Variants in EPS8L2 observed in about 807,000 individuals in gnomAD.
The protein encoded by EPS8L2 is EPS8 signaling adaptor L2.
EPS8L2 carries 81 observed loss-of-function variants against 99.4 expected under a neutral mutation model. The observed-to-expected ratio is 0.82, with a 90% confidence interval of 0.68 to 0.98. EPS8L2 has a LOEUF of 0.98. EPS8L2 is among the 50% of genes least tolerant of loss of function. The pLI, the probability that EPS8L2 is intolerant of heterozygous loss-of-function variation, is 0.00. For missense variants in EPS8L2, 1,155 were observed against 968.8 expected (o/e 1.19, Z -2.55); for synonymous variants, 509 against 407.3 (o/e 1.25, Z -3.01).
At chr11:713,285 G>A (rs535255424) in intron 4 of EPS8L2, among the ~76,000 whole-genome samples, 9 of 152,284 alleles carry the variant, frequency 5.9e-5, no homozygotes, top group South Asian at 2.1e-4. Flanking sequence ...CACCATAGTC[G>A]ACCCATCAGC....
chr11:723,290 C>G lies in EPS8L2; in HGVS notation c.1391C>G (p.Pro464Arg). ...QSIRNSQKHS[P>R]TSEPTPPGDA... is the part of the protein sequence containing the mutation. ...ATAAGAAACTCCCAGAAGCACAGCC[C>G]CACTTCAGAGCCCACCCCCCCGGGG... The change falls in exon 15 of 21, where the codon CCC (proline) becomes CGC (arginine). Residue 464 changes from proline to arginine, a missense_variant. Coordinates refer to ENST00000318562, the MANE Select transcript of EPS8L2 (RefSeq NM_022772.4). The G allele has an allele frequency of 6.2e-7, 1 of 1,606,914 alleles. No individual in the cohort carries two copies. The highest frequency in any genetic ancestry group is 8.5e-7 in the Non-Finnish European group (1 of 1,177,872).
intron 5 of EPS8L2, 172 bp from the exon 6 acceptor site, chr11:720,425 G>T: frequency 8.4e-7 from 1 of 1,193,102 alleles, no homozygotes. Context: ...GCCGGGGTCA[G>T]CCTTGCGGTA....
chr11:720,978 G>GCCGGCAGGGGGGGGGAGGAGC (rs1862149823), intron 7 of EPS8L2, 69 bp downstream of exon 7: 14 of 1,101,990 alleles, frequency 1.3e-5, no homozygotes, highest in South Asian at 2.9e-5. Flanking sequence ...GAGGGGAGGA[G>GCCGGCAGGGGGGGGGAGGAGC]CCGGCAGGGG....
At chr11:707,952 T>A (rs1861774223) in intron 1 of EPS8L2, among the ~76,000 whole-genome samples, 1 of 151,928 alleles carries the variant, frequency 6.6e-6, no homozygotes, top group African/African-American at 2.4e-5. Flanking sequence ...TTCCAGACAT[T>A]CTCCACGGAT....
Position 726,324 on chromosome 11 carries a change from G to T in EPS8L2, c.1774G>T (p.Glu592Ter). 1 of 1,609,878 alleles carries T rather than the reference G, an allele frequency of 6.2e-7. No homozygotes were observed. Among genetic ancestry groups the T allele is most frequent in the African/African-American group, 1.3e-5 (1 of 74,890 alleles). ...NKDELMQHMDEVNDELIRKIS... is the reference protein window; with the variant it reads ...NKDELMQHMD The stretch of plus-strand genomic sequence containing the variant: ...CTCAGAGCTCATGCAGCACATGGAC[G>T]AGGTCAACGACGAGCTCATCCGGAA... Residue 592 changes from glutamate (E) to a stop codon, truncating the protein, a stop_gained, in exon 19 of 21, where the codon GAG becomes TAG. Coordinates refer to ENST00000318562, the MANE Select transcript of EPS8L2 (RefSeq NM_022772.4). LOFTEE classifies it high-confidence loss of function.
rs376942606 is a variant in EPS8L2, at chr11:718,348, TAACA to T, written c.166-1703_166-1700del. On this transcript the variant is annotated intron_variant, in intron 4 of 20. Transcript: ENST00000318562. ...ACTGTCTCAAAAACAAAACAAAAAC[TAACA>T]AACAAACAAAAAAACCCGCCAAACC... Among the ~76,000 whole-genome samples the T allele has an allele frequency of 6.7e-4, 102 of 151,618 alleles. 1 individual carries two copies. In the South Asian group the frequency reaches 0.017, roughly 26 times the overall value.
chr11:709,947 T>C, intron 3 of EPS8L2: 3 of 427,734 alleles, frequency 7.0e-6, no homozygotes, highest in Non-Finnish European at 8.6e-6. Flanking sequence ...AGCCCCCACC[T>C]CCCCCCACTC....
intron 3 of EPS8L2, 53 bp from the exon 4 acceptor site, chr11:710,369 G>C (rs1450188236): frequency 3.2e-6 from 5 of 1,569,496 alleles, no homozygotes; most frequent in Non-Finnish European, 3.5e-6. Flanking sequence ...CCAACTGGAC[G>C]GGAGGCTGTG....
chr11:715,111 G>A (rs969315116), intron 4 of EPS8L2, among the ~76,000 whole-genome samples: 1 of 152,094 alleles, frequency 6.6e-6, no homozygotes, highest in Non-Finnish European at 1.5e-5. Flanking sequence ...GTGGGATGGC[G>A]GGTGCCTGTA....
At position 727,310 on chromosome 11, in the gene EPS8L2, T is replaced by C. The variant is rs12285459; in HGVS notation, c.*329T>C. On this transcript the variant is annotated 3_prime_UTR_variant, in exon 21 of 21. Transcript: ENST00000318562. The stretch of plus-strand genomic sequence containing the variant: ...TGCACCTGGGGGGTCCTGGCCCCTG[T>C]GATGCTCCCCCATCCCCACCCACTT... 41,378 of 223,790 alleles carry C rather than the reference T, an allele frequency of 0.18. 4,196 individuals are homozygous for C. The highest frequency in any genetic ancestry group is 0.26 in the African/African-American group (11,304 of 43,040). The allele number at this position is 223,790 out of a possible 1,614,324, so 13.9% of individuals were successfully genotyped here. A position where few individuals can be genotyped will look rare whatever the true frequency, so the allele number is the denominator to read the frequency against.
Position 726,129 on chromosome 11 carries a change from C to A in EPS8L2, c.1712C>A (p.Pro571Gln). The change falls in exon 18 of 21, where the codon CCG becomes CAG. Residue 571 changes from proline (P) to glutamine (Q), a missense_variant. By Grantham distance (76) the Pro-to-Gln change is moderately conservative. Coordinates refer to ENST00000318562, the MANE Select transcript of EPS8L2 (RefSeq NM_022772.4). ...AGQKYWGPAS[P>Q]THKLPPSFPG... ...CAGAAGTACTGGGGCCCCGCCAGCCCGACCCACAAGCTACCCCCAAGCTTC... is the reference window on the plus strand; with the variant it reads ...CAGAAGTACTGGGGCCCCGCCAGCCAGACCCACAAGCTACCCCCAAGCTTC... The A allele has an allele frequency of 6.2e-7, 1 of 1,608,252 alleles. No individual in the cohort carries two copies. Among genetic ancestry groups the A allele is most frequent in the Non-Finnish European group, 8.5e-7 (1 of 1,177,816 alleles).
rs143959905 is a variant in EPS8L2 at position 724,805 on chromosome 11, G to T, written c.1536G>T (p.Ser512=). Residue 512 remains serine (S), a synonymous_variant, in exon 16 of 21, where the codon TCG becomes TCT. Coordinates refer to ENST00000318562, the MANE Select transcript of EPS8L2 (RefSeq NM_022772.4). This position sits in a 1 kb window ranked among gnomAD's most constrained non-coding sequence, Gnocchi z 5.5. ...DFTARNANEL[S]VLKDEVLEVL... ...CAGCCCGAAATGCCAACGAGCTATCGGTGCTCAAGGATGAGGTCCTAGAGG... is the reference window on the plus strand; with the variant it reads ...CAGCCCGAAATGCCAACGAGCTATCTGTGCTCAAGGATGAGGTCCTAGAGG... The T allele has an allele frequency of 1.1e-5, 17 of 1,613,254 alleles. No homozygotes were observed. In the African/African-American group the frequency reaches 1.5e-4, roughly 14 times the overall value.
In EPS8L2 at chr11:722,181, C is replaced by G; in HGVS notation, c.1059+16C>G. The stretch of plus-strand genomic sequence containing the variant: ...TCTGGACCTGGTGCCTGGGGCCGGG[C>G]GGCAGGGGCGCGCAGGGTGGGGGCC... On this transcript the variant is annotated intron_variant, in intron 12 of 20. Transcript: ENST00000318562. 1 of 1,610,204 alleles carries G rather than the reference C, an allele frequency of 6.2e-7. No individual in the cohort carries two copies. The highest frequency in any genetic ancestry group is 8.5e-7 in the Non-Finnish European group (1 of 1,178,634).
chr11:709,255 G>A, intron 1 of EPS8L2, 75 bp from the exon 2 acceptor site: 1 of 924,664 alleles, frequency 1.1e-6, no homozygotes, highest in Non-Finnish European at 1.6e-6. Flanking sequence ...GCCAGTCAGG[G>A]ATCTGGCCCA....
At chr11:709,769 C>T in intron 3 of EPS8L2, 161 bp downstream of exon 3, 2 of 715,374 alleles carry the variant, frequency 2.8e-6, no homozygotes, top group East Asian at 2.7e-5. Flanking sequence ...CTTCCGAAAG[C>T]TCCTGGCCAC....
intron 4 of EPS8L2, among the ~76,000 whole-genome samples, chr11:714,978 C>G (rs190613879): frequency 6.1e-4 from 93 of 152,262 alleles, no homozygotes; most frequent in Non-Finnish European, 9.4e-4. Flanking sequence ...CGCGGTGGCT[C>G]ATGCCTGTAA....
intron 15 of EPS8L2, among the ~76,000 whole-genome samples, chr11:723,567 AATATATCAGCTTT>A (rs1862246519): frequency 6.6e-6 from 1 of 152,164 alleles, no homozygotes; most frequent in African/African-American, 2.4e-5. Flanking sequence ...TCTCTACCCT[AATATATCAGCTTT>A]TTCTGTGCAT....
At chr11:725,900 C>A in intron 17 of EPS8L2, 53 bp downstream of exon 17, 2 of 1,366,018 alleles carry the variant, frequency 1.5e-6, no homozygotes, top group East Asian at 3.0e-5. Flanking sequence ...TGGAGCAGCC[C>A]CGCCTGCGCC....
At position 710,415 on chromosome 11, in the gene EPS8L2, G is replaced by C. The variant is rs1336434401; in HGVS notation, c.101-7G>C. On this transcript the variant is annotated splice_region_variant and splice_polypyrimidine_tract_variant and intron_variant, in intron 3 of 20. Transcript: ENST00000318562. ...GTCGGGGGAGTGACTGGTGTCTCCC[G>C]GTTCAGAGCAGAGGAAGAAGTATTC... is the stretch of plus-strand genomic sequence containing the variant. The C allele has an allele frequency of 1.2e-6, 2 of 1,613,334 alleles. No individual in the cohort carries two copies. The highest frequency in any genetic ancestry group is 1.7e-6 in the Non-Finnish European group (2 of 1,179,836).
Sources: allele counts gnomAD v4.1 joint callset (sites outside exome capture counted in the v4.1 genomes callset), GRCh38; gene constraint gnomAD v4.1.1; non-coding constraint Gnocchi (gnomAD v3.1); transcripts MANE v1.5; gene names NCBI Gene and HGNC (gene_info 2026-07-23, HGNC 2026-07-21).